Variants in CFAP77 observed in about 807,000 individuals in gnomAD.
CFAP77 encodes the protein cilia and flagella associated protein 77.
Under a neutral mutation model 31.1 loss-of-function variants are expected in CFAP77, and 25 were observed. The ratio of observed to expected loss-of-function variants is 0.80; its 90% CI spans 0.59 to 1.12. CFAP77 has a LOEUF of 1.12. Ranked by LOEUF, CFAP77 falls within the 50% of genes most tolerant of loss-of-function variation. The pLI, the probability that CFAP77 is intolerant of heterozygous loss-of-function variation, is 0.00. For missense variants in CFAP77, 377 were observed against 397.3 expected (o/e 0.95, Z 0.44); for synonymous variants, 151 against 159.9 (o/e 0.94, Z 0.42).
chr9:132,560,810 G>A (rs986022117), intron 5 of CFAP77, among the ~76,000 whole-genome samples: 2 of 152,168 alleles, frequency 1.3e-5, no homozygotes, highest in East Asian at 1.9e-4. Flanking sequence ...CCCTGGGCAC[G>A]GTTCACTGAG....
At chr9:132,489,937 A>T (rs926338276) in intron 1 of CFAP77, among the ~76,000 whole-genome samples, 3 of 152,124 alleles carry the variant, frequency 2.0e-5, no homozygotes, top group African/African-American at 7.2e-5. Flanking sequence ...GCTGTAACAG[A>T]ATACCTGAGA....
intron 1 of CFAP77, among the ~76,000 whole-genome samples, chr9:132,469,599 C>G (rs920132681): frequency 6.6e-6 from 1 of 152,126 alleles, no homozygotes. Context: ...TCTGCAAAGT[C>G]CATGCATCAC....
chr9:132,541,550 C>A (rs764716963), intron 4 of CFAP77, among the ~76,000 whole-genome samples: 1 of 152,168 alleles, frequency 6.6e-6, no homozygotes, highest in Non-Finnish European at 1.5e-5. Context: ...ACGGCAAAAC[C>A]CTGTCTTTAC....
chr9:132,449,952 G>A (rs1394779082), intron 1 of CFAP77, among the ~76,000 whole-genome samples: 3 of 151,952 alleles, frequency 2.0e-5, no homozygotes, highest in African/African-American at 7.3e-5. Context: ...TCGCTCTGTC[G>A]CCCAGGCTGG....
At chr9:132,556,557 C>T (rs1458471427) in intron 5 of CFAP77, among the ~76,000 whole-genome samples, 1 of 152,156 alleles carries the variant, frequency 6.6e-6, no homozygotes, top group African/African-American at 2.4e-5. Context: ...GTCTGGAAAA[C>T]ACACACACAC....
At chr9:132,457,624 G>A (rs905573426) in intron 1 of CFAP77, among the ~76,000 whole-genome samples, 1 of 152,214 alleles carries the variant, frequency 6.6e-6, no homozygotes, top group Non-Finnish European at 1.5e-5. Context: ...CTTGTTGCTG[G>A]AATCTGGCGA....
chr9:132,485,985 CATATATATAT>C (rs61265124), intron 1 of CFAP77, among the ~76,000 whole-genome samples: 101 of 53,536 alleles, frequency 1.9e-3, no homozygotes, highest in African/African-American at 2.7e-3. Context: ...ACACACACCT[CATATATATAT>C]ATATATATAT....
At chr9:132,521,778 T>TTTGTTTTTTG (rs1554747341) in intron 3 of CFAP77, among the ~76,000 whole-genome samples, 16 of 106,118 alleles carry the variant, frequency 1.5e-4, no homozygotes, top group East Asian at 4.3e-4. Context: ...TTTTTTTTTT[T>TTTGTTTTTTG]TTTTTTGAGA....
rs1465444142 is a variant in CFAP77, at chr9:132,565,847, C to T, written c.733-6541C>T. 6.6e-6 allele frequency among the ~76,000 whole-genome samples: 1 copy of T among 152,210 alleles called. No individual in the cohort carries two copies. Among genetic ancestry groups the T allele is most frequent in the Non-Finnish European group, 1.5e-5 (1 of 68,036 alleles). On this transcript the variant is annotated intron_variant, in intron 5 of 5. Coordinates refer to ENST00000393216, the MANE Select transcript of CFAP77 (RefSeq NM_001282957.2). The surrounding 1 kb of genome is among the most constrained non-coding windows in gnomAD (Gnocchi z 4.1). ...CTCCCCATTCTAACAGGACCAGCTCCTTCGCCAACCGGGATAAAGCCTCCC... is the reference window on the plus strand; with the variant it reads ...CTCCCCATTCTAACAGGACCAGCTCTTTCGCCAACCGGGATAAAGCCTCCC...
chr9:132,521,778 T>TTGTTTTTTG (rs1554747340), intron 3 of CFAP77, among the ~76,000 whole-genome samples: 7 of 106,152 alleles, frequency 6.6e-5, no homozygotes, highest in African/African-American at 2.3e-4. Flanking sequence ...TTTTTTTTTT[T>TTGTTTTTTG]TTTTTTGAGA....
rs141440523 is a variant in CFAP77, at chr9:132,552,496, G to C, written c.732+9449G>C. Among the ~76,000 whole-genome samples, 4,082 of 152,264 alleles carry C rather than the reference G, an allele frequency of 0.027. 95 individuals carry two copies. The highest frequency in any genetic ancestry group is 0.043 in the Non-Finnish European group (2,948 of 67,992). On this transcript the variant is annotated intron_variant, in intron 5 of 5. Transcript: ENST00000393216. The surrounding 1 kb of genome is among the most constrained non-coding windows in gnomAD (Gnocchi z 5.5). ...GGATCACTTCAGCTCAGGAGTTTGA[G>C]ACCAGCCTGGCCAATATGGTGAAAC... is the stretch of plus-strand genomic sequence containing the variant.
chr9:132,468,254 G>T lies in CFAP77; in HGVS notation c.196-30441G>T, dbSNP rs749886308. Among the ~76,000 whole-genome samples the T allele has an allele frequency of 1.1e-4, 16 of 152,264 alleles. No homozygotes were observed. The South Asian group carries it at 1.5e-3, about 14-fold the overall frequency. ...CTAGCTACTCAGGAGGCTGAGGGGG[G>T]AGGATTGCTTGAGCCCAGGAGGCCG... On this transcript the variant is annotated intron_variant, in intron 1 of 5. Transcript: ENST00000393216.
At chr9:132,486,040 A>G (rs1156852540) in intron 1 of CFAP77, among the ~76,000 whole-genome samples, 2 of 32,382 alleles carry the variant, frequency 6.2e-5, no homozygotes, top group African/African-American at 4.4e-4. Context: ...ATATATATAT[A>G]TGTATGTATA....
intron 5 of CFAP77, among the ~76,000 whole-genome samples, chr9:132,555,555 A>G (rs1852889526): frequency 6.6e-6 from 1 of 152,212 alleles, no homozygotes; most frequent in East Asian, 1.9e-4. Flanking sequence ...CTGAGAAAGC[A>G]CTGTCAGGTA....
At chr9:132,537,548 G>A in intron 3 of CFAP77, 53 bp from the exon 4 acceptor site, 1 of 1,387,926 alleles carries the variant, frequency 7.2e-7, no homozygotes. Flanking sequence ...TGGGGAGCGG[G>A]TGCCTCTGGT....
chr9:132,428,000 C>CG (rs879783611), intron 1 of CFAP77, among the ~76,000 whole-genome samples: 2 of 142,936 alleles, frequency 1.4e-5, no homozygotes, highest in African/African-American at 5.1e-5. Flanking sequence ...TAGATTCTTT[C>CG]TTTTTTTTTT....
chr9:132,465,073 CAAAAAAAA>C (rs773917029), intron 1 of CFAP77, among the ~76,000 whole-genome samples: 19,303 of 83,136 alleles, frequency 0.23, 1,341 homozygotes, highest in African/African-American at 0.26. Context: ...GACTCTGTCT[CAAAAAAAA>C]AAAAAAAAAA....
At chr9:132,570,539 G>A (rs1421762924) in intron 5 of CFAP77, among the ~76,000 whole-genome samples, 3 of 152,338 alleles carry the variant, frequency 2.0e-5, no homozygotes, top group South Asian at 4.1e-4. Flanking sequence ...GACTTGCAAA[G>A]GGCCCTGAAA....
chr9:132,558,536 C>A (rs2119095238), intron 5 of CFAP77, among the ~76,000 whole-genome samples: 1 of 151,840 alleles, frequency 6.6e-6, no homozygotes, highest in South Asian at 2.1e-4. Flanking sequence ...GAAACCCCAT[C>A]TCTACTAAAA....
Sources: allele counts gnomAD v4.1 joint callset (sites outside exome capture counted in the v4.1 genomes callset), GRCh38; gene constraint gnomAD v4.1.1; non-coding constraint Gnocchi (gnomAD v3.1); transcripts MANE v1.5; gene names NCBI Gene and HGNC (gene_info 2026-07-23, HGNC 2026-07-21).